Variants in NDUFAF2 observed in about 807,000 individuals in gnomAD.
NDUFAF2 encodes NADH:ubiquinone oxidoreductase complex assembly factor 2, also known as NADH dehydrogenase [ubiquinone] 1 alpha subcomplex assembly factor 2.
In NDUFAF2, 13 loss-of-function variants were observed where a neutral mutation model predicts 22.8. The ratio of observed to expected loss-of-function variants is 0.57; its 90% confidence interval spans 0.37 to 0.91. The LOEUF is 0.91. Ranked by LOEUF, NDUFAF2 falls within the 40% of genes least tolerant of loss-of-function variation. The probability of loss-of-function intolerance (pLI) is 0.01; values close to 1 mark genes in which losing one functional copy is unlikely to be tolerated. For synonymous variants in NDUFAF2, 53 were observed against 64.2 expected (o/e 0.83, Z 0.84); for missense variants, 162 against 195.2 (o/e 0.83, Z 1.01).
chr5:60,945,420 G>A (rs1561523269), intron 1 of NDUFAF2, 38 bp downstream of exon 1: 1 of 1,614,098 alleles, frequency 6.2e-7, no homozygotes, highest in South Asian at 1.1e-5. Context: ...CGTGGTCAGT[G>A]ATTGCGAGGT....
chr5:61,036,909 A>AT (rs1355850776), intron 1 of NDUFAF2, among the ~76,000 whole-genome samples: 1 of 152,120 alleles, frequency 6.6e-6, no homozygotes, highest in Admixed American at 6.6e-5. Context: ...TGTTGATGTA[A>AT]TTTATGTAGG....
intron 3 of NDUFAF2, chr5:61,145,987 T>C (rs1409258294): frequency 6.6e-6 from 1 of 152,224 alleles, no homozygotes. Flanking sequence ...GTTGATACAC[T>C]GCTCTATATC....
chr5:61,091,065 A>G (rs1188454748), intron 2 of NDUFAF2, among the ~76,000 whole-genome samples: 1 of 152,068 alleles, frequency 6.6e-6, no homozygotes, highest in East Asian at 1.9e-4. Context: ...TATTTACCAC[A>G]TTTTCTTTAT....
chr5:60,945,517 C>A, intron 1 of NDUFAF2, 135 bp downstream of exon 1: 5 of 1,317,018 alleles, frequency 3.8e-6, no homozygotes, highest in South Asian at 1.2e-5. Context: ...TTCCCGAGTT[C>A]GTTCTCCCCT....
In NDUFAF2 at chr5:61,152,685, C is replaced by T; in HGVS notation, c.259-19C>T. The stretch of plus-strand genomic sequence containing the variant: ...TAACTAGAAATTTAATAATTTCTTC[C>T]ATTTATATATACATGCAGGAAATAC... On this transcript the variant is annotated intron_variant, in intron 3 of 3. Coordinates refer to ENST00000296597, the MANE Select transcript of NDUFAF2 (RefSeq NM_174889.5). The T allele has an allele frequency of 1.0e-5, 15 of 1,446,458 alleles. No individual in the cohort carries two copies. The highest frequency in any genetic ancestry group is 2.5e-4 in the Middle Eastern group (1 of 3,976). 89.6% of individuals were successfully genotyped at this position (1,446,458 alleles called of 1,614,324 possible).
At chr5:61,149,484 G>A (rs1741196493) in intron 3 of NDUFAF2, among the ~76,000 whole-genome samples, 1 of 152,018 alleles carries the variant, frequency 6.6e-6, no homozygotes, top group African/African-American at 2.4e-5. Context: ...TCACCACAGT[G>A]TTATTTTTTT....
At chr5:61,118,430 A>G (rs1752938781) in intron 3 of NDUFAF2, among the ~76,000 whole-genome samples, 2 of 152,218 alleles carry the variant, frequency 1.3e-5, no homozygotes, top group South Asian at 4.1e-4. Flanking sequence ...CTTAAAATTA[A>G]AATTCACAAG....
chr5:61,017,426 T>G (rs564904932), intron 1 of NDUFAF2, among the ~76,000 whole-genome samples: 1 of 152,274 alleles, frequency 6.6e-6, no homozygotes, highest in East Asian at 1.9e-4. Context: ...CTAAATTAGA[T>G]AACTTTGTAG....
intron 1 of NDUFAF2, among the ~76,000 whole-genome samples, chr5:60,971,470 G>A (rs556945807): frequency 1.3e-5 from 2 of 151,530 alleles, no homozygotes; most frequent in African/African-American, 4.8e-5. Context: ...TGTATTTTTA[G>A]TAGAAACAGG....
chr5:61,053,737 G>T (rs1395305230), intron 1 of NDUFAF2, among the ~76,000 whole-genome samples: 1 of 152,012 alleles, frequency 6.6e-6, no homozygotes, highest in African/African-American at 2.4e-5. Context: ...GTTTCCTAAA[G>T]AAACAATAAA....
chr5:61,011,858 G>A (rs1751446547), intron 1 of NDUFAF2, among the ~76,000 whole-genome samples: 1 of 151,904 alleles, frequency 6.6e-6, no homozygotes, highest in South Asian at 2.1e-4. Context: ...TTAAATAGGT[G>A]TTTAGTATGT....
intron 3 of NDUFAF2, among the ~76,000 whole-genome samples, chr5:61,119,912 A>T (rs1160424494): frequency 6.6e-6 from 1 of 152,076 alleles, no homozygotes; most frequent in Non-Finnish European, 1.5e-5. Flanking sequence ...ACATTTAAAA[A>T]TTTTTTTAAA....
At chr5:61,014,304 A>C (rs1751479572) in intron 1 of NDUFAF2, among the ~76,000 whole-genome samples, 1 of 152,210 alleles carries the variant, frequency 6.6e-6, no homozygotes, top group Non-Finnish European at 1.5e-5. Flanking sequence ...CAATAGCCAC[A>C]AGTTGGTGAA....
intron 1 of NDUFAF2, among the ~76,000 whole-genome samples, chr5:61,007,080 G>C (rs1032960718): frequency 1.3e-5 from 2 of 152,044 alleles, no homozygotes; most frequent in African/African-American, 4.8e-5. Flanking sequence ...TGTTCATTCT[G>C]ATGGTAGTTT....
intron 1 of NDUFAF2, among the ~76,000 whole-genome samples, chr5:60,947,633 G>T (rs1259035368): frequency 1.3e-5 from 2 of 152,018 alleles, no homozygotes; most frequent in East Asian, 3.9e-4. Flanking sequence ...GGGCATGGTG[G>T]CACGCGCCTG....
At chr5:61,080,306 G>T (rs1012709145) in intron 2 of NDUFAF2, among the ~76,000 whole-genome samples, 3 of 152,096 alleles carry the variant, frequency 2.0e-5, no homozygotes, top group African/African-American at 7.2e-5. Context: ...AAGTCCTTGG[G>T]CAGGATTGGT....
At chr5:61,143,550 A>G (rs923402217) in intron 3 of NDUFAF2, among the ~76,000 whole-genome samples, 1 of 152,140 alleles carries the variant, frequency 6.6e-6, no homozygotes, top group Non-Finnish European at 1.5e-5. Context: ...ATATATGTAC[A>G]TTTAGCTTTT....
intron 3 of NDUFAF2, among the ~76,000 whole-genome samples, chr5:61,140,070 G>A (rs1324234859): frequency 6.6e-6 from 1 of 152,256 alleles, no homozygotes; most frequent in South Asian, 2.1e-4. Context: ...AGGAACCAGT[G>A]TGTAAGCCAG....
At chr5:61,106,795 A>G (rs1752769766) in intron 3 of NDUFAF2, among the ~76,000 whole-genome samples, 2 of 150,920 alleles carry the variant, frequency 1.3e-5, no homozygotes, top group South Asian at 4.2e-4. Context: ...TTATCTTTCT[A>G]TGCCTGCCTT....
Sources: allele counts gnomAD v4.1 joint callset (sites outside exome capture counted in the v4.1 genomes callset), GRCh38; gene constraint gnomAD v4.1.1; transcripts MANE v1.5; gene names NCBI Gene and HGNC (gene_info 2026-07-23, HGNC 2026-07-21).